The following DLGAP1 variants were observed in gnomAD, a reference collection of about 807,000 sequenced individuals.
The protein encoded by DLGAP1 is disks large-associated protein 1.
DLGAP1 carries 11 observed loss-of-function variants against 90.8 expected under a neutral mutation model. The observed-to-expected ratio is 0.12, with a 90% CI of 0.08 to 0.20. The LOEUF is 0.20. Among genes scored for constraint, DLGAP1 ranks in the 10% least tolerant of loss-of-function variants. DLGAP1 has a pLI of 1.00. For missense variants in DLGAP1, 1,050 were observed against 1,333.8 expected (o/e 0.79, Z 3.31); for synonymous variants, 558 against 540.7 (o/e 1.03, Z -0.44).
chr18:4,416,870 T>G (rs1489861479), intron 1 of DLGAP1, among the ~76,000 whole-genome samples: 1 of 152,224 alleles, frequency 6.6e-6, no homozygotes, highest in Non-Finnish European at 1.5e-5. Flanking sequence ...TCACTTTCAC[T>G]CTTTTATTTT....
At chr18:3,764,024 G>A (rs2064099085) in intron 5 of DLGAP1, among the ~76,000 whole-genome samples, 1 of 152,146 alleles carries the variant, frequency 6.6e-6, no homozygotes, top group African/African-American at 2.4e-5. Context: ...ATGTGTAGCA[G>A]CTAATGTGAT....
At chr18:3,769,158 T>C (rs2064396482) in intron 5 of DLGAP1, among the ~76,000 whole-genome samples, 1 of 152,140 alleles carries the variant, frequency 6.6e-6, no homozygotes, top group South Asian at 2.1e-4. Flanking sequence ...TCAACATCAC[T>C]AGTCATTAAG....
chr18:4,037,444 A>C (rs966345232), intron 2 of DLGAP1, among the ~76,000 whole-genome samples: 2 of 152,170 alleles, frequency 1.3e-5, no homozygotes, highest in Non-Finnish European at 2.9e-5. Flanking sequence ...AACTTCTTAG[A>C]CTTGGTTAAA....
intron 9 of DLGAP1, among the ~76,000 whole-genome samples, chr18:3,544,159 G>A (rs369982985): frequency 1.3e-4 from 20 of 152,184 alleles, no homozygotes; most frequent in African/African-American, 4.8e-4. Flanking sequence ...GGAGGCTGAG[G>A]TGGGTGGATC....
intron 10 of DLGAP1, among the ~76,000 whole-genome samples, chr18:3,514,981 G>A (rs897835711): frequency 6.6e-6 from 1 of 152,058 alleles, no homozygotes; most frequent in Non-Finnish European, 1.5e-5. Context: ...GGCCTCAAGC[G>A]ATCCACTCAT....
intron 4 of DLGAP1, chr18:3,874,050 A>C: frequency 6.6e-7 from 1 of 1,517,930 alleles, no homozygotes; most frequent in Non-Finnish European, 8.8e-7. Flanking sequence ...TAGAGGAGAA[A>C]TAAAATCACA....
chr18:4,219,027 GTTTTTTT>G (rs34333673), intron 1 of DLGAP1, among the ~76,000 whole-genome samples: 2 of 92,020 alleles, frequency 2.2e-5, no homozygotes, highest in Non-Finnish European at 4.2e-5. Context: ...TTCTATCTTT[GTTTTTTT>G]TTTTTTTTTT....
intron 1 of DLGAP1, among the ~76,000 whole-genome samples, chr18:4,381,394 G>C (rs2082114821): frequency 6.6e-6 from 1 of 152,136 alleles, no homozygotes; most frequent in Non-Finnish European, 1.5e-5. Flanking sequence ...TATTTCAAAA[G>C]AACCAGTCCT....
At position 3,940,954 on chromosome 18, in the gene DLGAP1, T is replaced by C. The variant is rs371722189; in HGVS notation, c.-72-60814A>G. On this transcript the variant is annotated intron_variant, in intron 3 of 12. Transcript: ENST00000315677. ...CCCACAGTGACAGAGAGACAGCATG[T>C]CCTGAGGGATTGGCATATGAAAGAT... is the stretch of plus-strand genomic sequence containing the variant. Among the ~76,000 whole-genome samples, 78 of 152,278 alleles carry C rather than the reference T, an allele frequency of 5.1e-4. 1 individual carries two copies. In the South Asian group the frequency reaches 0.01, roughly 20 times the overall value.
chr18:3,769,276 G>T (rs1020304040), intron 5 of DLGAP1, among the ~76,000 whole-genome samples: 1 of 152,104 alleles, frequency 6.6e-6, no homozygotes, highest in Non-Finnish European at 1.5e-5. Flanking sequence ...AACGAAAAGG[G>T]ATCATTCATA....
In DLGAP1 at chr18:3,498,711, A is replaced by G. The variant is rs1398758702; in HGVS notation, c.*474T>C. ...CATCTGCTTTTTTAAAAGAATAACC[A>G]TTTAGGGGAAATAAAGGGAATCGGA... On this transcript the variant is annotated 3_prime_UTR_variant, in exon 13 of 13. Coordinates refer to ENST00000315677, the MANE Select transcript of DLGAP1 (RefSeq NM_004746.4). 1 of 154,566 alleles carries G rather than the reference A, an allele frequency of 6.5e-6. No individual in the cohort carries two copies. Among genetic ancestry groups the G allele is most frequent in the Non-Finnish European group, 1.4e-5 (1 of 69,588 alleles). 9.6% of individuals were successfully genotyped at this position (154,566 alleles called of 1,614,324 possible).
chr18:3,523,716 G>T lies in DLGAP1; in HGVS notation c.2479+10478C>A, dbSNP rs9946908. 1.5e-4 allele frequency among the ~76,000 whole-genome samples: 23 copies of T among 152,056 alleles called. No homozygotes were observed. The South Asian group carries it at 4.6e-3, about 30-fold the overall frequency. On this transcript the variant is annotated intron_variant, in intron 10 of 12. Coordinates refer to ENST00000315677, the MANE Select transcript of DLGAP1 (RefSeq NM_004746.4). ...CAAAAAATTAGCCAGGCGTGGTGGCGTGCGCCCGTAGTCCCAGCTACACTG... is the reference window on the plus strand; with the variant it reads ...CAAAAAATTAGCCAGGCGTGGTGGCTTGCGCCCGTAGTCCCAGCTACACTG...
At chr18:3,671,495 G>A (rs1315727938) in intron 7 of DLGAP1, among the ~76,000 whole-genome samples, 2 of 152,182 alleles carry the variant, frequency 1.3e-5, no homozygotes, top group East Asian at 1.9e-4. Context: ...GAAGGGATTC[G>A]TAGTTCCACC....
chr18:3,642,252 A>G (rs763169907), intron 7 of DLGAP1, among the ~76,000 whole-genome samples: 6 of 152,206 alleles, frequency 3.9e-5, no homozygotes, highest in Non-Finnish European at 5.9e-5. Flanking sequence ...ATTGGATTGG[A>G]ATCTTTGCAT....
At chr18:4,317,338 G>A (rs982392668) in intron 1 of DLGAP1, among the ~76,000 whole-genome samples, 9 of 152,112 alleles carry the variant, frequency 5.9e-5, no homozygotes, top group African/African-American at 2.2e-4. Flanking sequence ...TGCTCACTGA[G>A]CTGGACTTGT....
chr18:4,207,528 G>T (rs1041455527), intron 1 of DLGAP1, among the ~76,000 whole-genome samples: 2 of 152,310 alleles, frequency 1.3e-5, no homozygotes, highest in South Asian at 4.1e-4. Flanking sequence ...AATCCCAAAG[G>T]CTTCAACGGA....
intron 3 of DLGAP1, among the ~76,000 whole-genome samples, chr18:3,966,128 C>T (rs2073325728): frequency 6.6e-6 from 1 of 151,748 alleles, no homozygotes; most frequent in Non-Finnish European, 1.5e-5. Flanking sequence ...TGGTAGAAAC[C>T]ACATTCGCTA....
At chr18:4,406,604 C>T (rs2082669838) in intron 1 of DLGAP1, among the ~76,000 whole-genome samples, 1 of 152,044 alleles carries the variant, frequency 6.6e-6, no homozygotes, top group Admixed American at 6.6e-5. Context: ...CTCTTTTTGC[C>T]AGGTGGGAAG....
intron 2 of DLGAP1, 87 bp from the exon 3 acceptor site, chr18:4,005,288 G>A (rs1385025204): frequency 6.6e-6 from 1 of 152,100 alleles, no homozygotes; most frequent in Admixed American, 6.6e-5. Flanking sequence ...ATTTAGGAGC[G>A]CCCTATGACT....
Sources: allele counts gnomAD v4.1 joint callset (sites outside exome capture counted in the v4.1 genomes callset), GRCh38; gene constraint gnomAD v4.1.1; transcripts MANE v1.5; gene names NCBI Gene and HGNC (gene_info 2026-07-23, HGNC 2026-07-21).